The following KCNK5 variants were observed in gnomAD, a reference collection of about 807,000 sequenced individuals.
The protein encoded by KCNK5 is potassium channel subfamily K member 5.
KCNK5 carries 18 observed loss-of-function variants against 32.9 expected under a neutral mutation model. The observed-to-expected ratio is 0.55, with a 90% CI of 0.38 to 0.81. KCNK5 has a LOEUF of 0.81. Among genes scored for constraint, KCNK5 ranks in the 30% least tolerant of loss-of-function variants. The pLI is 0.00. For synonymous variants in KCNK5, 276 were observed against 275.3 expected, an observed-to-expected ratio of 1.00 and a Z score of -0.03; for missense variants, 507 against 651.0, an observed-to-expected ratio of 0.78 and a Z score of 2.41.
rs761432795 is a variant in KCNK5, at chr6:39,195,994, T to C, written c.187-7A>G. 10 of 1,606,070 alleles carry C rather than the reference T, an allele frequency of 6.2e-6. No individual in the cohort carries two copies. Among genetic ancestry groups the C allele is most frequent in the Non-Finnish European group, 8.5e-6 (10 of 1,174,308 alleles). ...CTGCAGCATCAGATACCACCTAAAA[T>C]GAGAAACAGTAAAGGTCAGAGCTGA... is the stretch of plus-strand genomic sequence containing the variant. On this transcript the variant is annotated splice_region_variant and splice_polypyrimidine_tract_variant and intron_variant, in intron 1 of 4. Transcript: ENST00000359534.
At chr6:39,225,260 T>C (rs189029401) in intron 1 of KCNK5, among the ~76,000 whole-genome samples, 65 of 152,344 alleles carry the variant, frequency 4.3e-4, no homozygotes, top group Non-Finnish European at 7.9e-4. Context: ...AAATGCTTGC[T>C]AATTTCCATG....
At chr6:39,202,363 C>T (rs1006330571) in intron 1 of KCNK5, among the ~76,000 whole-genome samples, 7 of 152,112 alleles carry the variant, frequency 4.6e-5, no homozygotes, top group Admixed American at 2.0e-4. Context: ...CCAGCGGCGG[C>T]GGGGCTCACA....
At chr6:39,227,476 T>C (rs1048490135) in intron 1 of KCNK5, among the ~76,000 whole-genome samples, 6 of 152,096 alleles carry the variant, frequency 3.9e-5, no homozygotes, top group African/African-American at 1.4e-4. Flanking sequence ...ACCAACCATC[T>C]ACTGAAGCTT....
At chr6:39,198,216 C>T (rs1160128636) in intron 1 of KCNK5, among the ~76,000 whole-genome samples, 1 of 152,218 alleles carries the variant, frequency 6.6e-6, no homozygotes, top group Admixed American at 6.5e-5. Flanking sequence ...GGACAAGACA[C>T]AGAAATGTCA....
At chr6:39,210,523 C>A (rs1450122121) in intron 1 of KCNK5, among the ~76,000 whole-genome samples, 2 of 152,188 alleles carry the variant, frequency 1.3e-5, no homozygotes, top group Non-Finnish European at 2.9e-5. Context: ...ACAGGGCAAC[C>A]CACCCAACCT....
At chr6:39,217,898 C>A (rs1041160820) in intron 1 of KCNK5, among the ~76,000 whole-genome samples, 14 of 152,262 alleles carry the variant, frequency 9.2e-5, no homozygotes, top group African/African-American at 3.4e-4. Context: ...GGGTTCAACA[C>A]AATTTCAACT....
chr6:39,199,195 T>A (rs753780434), intron 1 of KCNK5, among the ~76,000 whole-genome samples: 34 of 152,142 alleles, frequency 2.2e-4, no homozygotes, highest in Non-Finnish European at 4.1e-4. Flanking sequence ...AGGCCAAAAA[T>A]GCTCCCCCTG....
intron 1 of KCNK5, among the ~76,000 whole-genome samples, chr6:39,196,299 C>A (rs889631544): frequency 6.6e-6 from 1 of 152,194 alleles, no homozygotes; most frequent in Non-Finnish European, 1.5e-5. Context: ...GCCCCTACTA[C>A]TCCGAGTTTC....
chr6:39,192,005 C>G (rs1312299965), intron 4 of KCNK5, among the ~76,000 whole-genome samples: 1 of 152,064 alleles, frequency 6.6e-6, no homozygotes. Context: ...CTAGAAACGT[C>G]AAGACAGGCC....
chr6:39,205,436 A>G (rs1933160452), intron 1 of KCNK5, among the ~76,000 whole-genome samples: 1 of 152,154 alleles, frequency 6.6e-6, no homozygotes, highest in Admixed American at 6.5e-5. Flanking sequence ...GGAGGCTTAA[A>G]TGACAAGAGG....
In KCNK5 at chr6:39,191,103, G is replaced by T; in HGVS notation, c.1287C>A (p.Leu429=). The change falls in exon 5 of 5, where the codon CTC becomes CTA. Residue 429 remains leucine (L), a synonymous_variant. Transcript: ENST00000359534. The surrounding 1 kb of genome is among the most constrained non-coding windows in gnomAD (Gnocchi z 5.8). The stretch of plus-strand genomic sequence containing the variant: ...AGGACTTGGAGGTCTCCTCGTCTGA[G>T]AGGCCAGCCTCCGTGTTCACGAAGG... ...SITFVNTEAG[L]SDEETSKSSL... 2 of 1,614,194 alleles carry T rather than the reference G, an allele frequency of 1.2e-6. No homozygotes were observed. Among genetic ancestry groups the T allele is most frequent in the South Asian group, 2.2e-5 (2 of 91,088 alleles).
At chr6:39,217,256 A>G (rs1436020411) in intron 1 of KCNK5, among the ~76,000 whole-genome samples, 1 of 151,634 alleles carries the variant, frequency 6.6e-6, no homozygotes, top group African/African-American at 2.4e-5. Flanking sequence ...ACTGGGATCA[A>G]CGGCAGGGGT....
chr6:39,191,193 G>A lies in KCNK5; in HGVS notation c.1197C>T (p.Ser399=), dbSNP rs111478137. 6.7e-5 allele frequency: 108 copies of A among 1,614,214 alleles called. No homozygotes were observed. Among genetic ancestry groups the A allele is most frequent in the Middle Eastern group, 3.3e-4 (2 of 6,062 alleles). The change falls in exon 5 of 5, where the codon AGC becomes AGT. Residue 399 remains serine (S), a synonymous_variant. Coordinates refer to ENST00000359534, the MANE Select transcript of KCNK5 (RefSeq NM_003740.4). This position sits in a 1 kb window ranked among gnomAD's most constrained non-coding sequence, Gnocchi z 5.8. ...EVFMNQLDRI[S]EECEPWDAQD... ...GGGCGTCCCATGGCTCGCATTCCTC[G>A]CTGATGCGGTCCAGCTGGTTCATGA... is the stretch of plus-strand genomic sequence containing the variant.
intron 1 of KCNK5, among the ~76,000 whole-genome samples, chr6:39,212,896 A>C (rs1771366765): frequency 6.6e-6 from 1 of 152,112 alleles, no homozygotes; most frequent in African/African-American, 2.4e-5. Context: ...AAATTTAAAG[A>C]CTCAAAAGAC....
Position 39,229,329 on chromosome 6 carries a change from C to T in KCNK5, c.-218G>A. 1.7e-6 allele frequency: 1 copy of T among 598,966 alleles called. No individual in the cohort carries two copies. Among genetic ancestry groups the T allele is most frequent in the Non-Finnish European group, 2.9e-6 (1 of 342,488 alleles). 37.1% of individuals were successfully genotyped at this position (598,966 alleles called of 1,614,324 possible). On this transcript the variant is annotated 5_prime_UTR_variant, in exon 1 of 5. Coordinates refer to ENST00000359534, the MANE Select transcript of KCNK5 (RefSeq NM_003740.4). ...GCTGCGTGGGGCCCCACTCACGCGG[C>T]CCGGGGTGGGCGAACACCAGCGGGG...
chr6:39,216,460 T>C (rs1232329516), intron 1 of KCNK5, among the ~76,000 whole-genome samples: 3 of 152,084 alleles, frequency 2.0e-5, no homozygotes, highest in Non-Finnish European at 4.4e-5. Flanking sequence ...ATGGGGTGTG[T>C]GTGGAAAACC....
At position 39,191,722 on chromosome 6, in the gene KCNK5, TA is replaced by T; in HGVS notation, c.667del (p.Tyr223ThrfsTer24). ...GATCCAGAGCTCCACGAAGTAGCGGTACAGGGCGTGGTAGTTGGCGCTGGGG... is the reference window on the plus strand; with the variant it reads ...GATCCAGAGCTCCACGAAGTAGCGGTCAGGGCGTGGTAGTTGGCGCTGGGG... ...VNPSANYHAL[Y>X]RYFVELWIYL... On this transcript the variant is annotated frameshift_variant, in exon 5 of 5. Coordinates refer to ENST00000359534, the MANE Select transcript of KCNK5 (RefSeq NM_003740.4). LOFTEE classifies it high-confidence loss of function. This position sits in a 1 kb window ranked among gnomAD's most constrained non-coding sequence, Gnocchi z 5.8. The T allele has an allele frequency of 6.2e-7, 1 of 1,613,712 alleles. No homozygotes were observed. The highest frequency in any genetic ancestry group is 8.5e-7 in the Non-Finnish European group (1 of 1,179,822).
chr6:39,190,961 A>T lies in KCNK5; in HGVS notation c.1429T>A (p.Ser477Thr). The T allele has an allele frequency of 6.5e-7, 1 of 1,532,254 alleles. No individual in the cohort carries two copies. 94.9% of individuals were successfully genotyped at this position (1,532,254 alleles called of 1,614,324 possible). The change falls in exon 5 of 5, where the codon TCT becomes ACT. Residue 477 changes from serine (S) to threonine (T), a missense_variant. Around this residue, in one of 6 missense-constraint regions of KCNK5, gnomAD observed 252 missense variants for 250.8 expected, o/e 1.00. Transcript: ENST00000359534. ...TGTTCGTAAGGCACAGAGAGCTCAG[A>T]CTCAGTGCTGGTGAAGGTGGACTCG... The part of the protein sequence containing the change: ...SSESTFTSTE[S>T]ELSVPYEQLM...
chr6:39,193,111 AG>A (rs1445222941), intron 4 of KCNK5, among the ~76,000 whole-genome samples: 1 of 116,454 alleles, frequency 8.6e-6, no homozygotes, highest in Non-Finnish European at 2.0e-5. Flanking sequence ...CTAATTTTAC[AG>A]AAGAGAAAGC....
Sources: gnomAD v4.1 joint callset for allele counts (sites outside exome capture counted in the v4.1 genomes callset) on GRCh38, gnomAD v4.1.1 for gene constraint, gnomAD v4.1.1 regional missense constraint, Gnocchi (gnomAD v3.1) non-coding constraint, MANE v1.5 for transcripts, NCBI Gene and HGNC (gene_info 2026-07-23, HGNC 2026-07-21) for gene names.